The following DPP10 variants were observed in gnomAD, a reference collection of about 807,000 sequenced individuals.
The protein encoded by DPP10 is inactive dipeptidyl peptidase 10.
Under a neutral mutation model 120.9 loss-of-function variants are expected in DPP10, and 33 were observed. That is an observed-to-expected ratio of 0.27 (90% CI 0.21 to 0.37). The LOEUF (loss-of-function observed/expected upper bound fraction) is 0.37, where lower values mean the gene tolerates loss of function less well. Ranked by LOEUF, DPP10 falls within the 10% of genes least tolerant of loss-of-function variation. The probability of loss-of-function intolerance (pLI) is 1.00; values close to 1 mark genes in which losing one functional copy is unlikely to be tolerated. For missense variants in DPP10, 816 were observed against 942.8 expected (o/e 0.87, Z 1.76); for synonymous variants, 337 against 326.1 (o/e 1.03, Z -0.36).
chr2:115,095,436 C>G (rs756891637), intron 1 of DPP10, among the ~76,000 whole-genome samples: 3 of 152,098 alleles, frequency 2.0e-5, no homozygotes, highest in Non-Finnish European at 4.4e-5. Flanking sequence ...GGAGCTCACT[C>G]TACTAACCTG....
Position 115,781,292 on chromosome 2 carries a change from A to G in DPP10, c.1483+297A>G, listed in dbSNP as rs77950025. ...TTTACATCAGCGAGGCCATGCCACA[A>G]TCATAAACTAATTTACCTAGTCTTC... On this transcript the variant is annotated intron_variant, in intron 16 of 25. Transcript: ENST00000410059. Among the ~76,000 whole-genome samples the G allele has an allele frequency of 8.5e-3, 1,286 of 152,002 alleles. 20 individuals carry two copies. The highest frequency in any genetic ancestry group is 0.027 in the African/African-American group (1,138 of 41,540).
At chr2:114,462,059 AT>A in intron 1 of DPP10, 1 of 985,432 alleles carries the variant, frequency 1.0e-6, no homozygotes, top group Non-Finnish European at 1.2e-6. Flanking sequence ...AGAGTGTGAT[AT>A]CAAGAAAGGG....
At chr2:114,475,992 A>G (rs970426204) in intron 1 of DPP10, among the ~76,000 whole-genome samples, 3 of 152,190 alleles carry the variant, frequency 2.0e-5, no homozygotes, top group Non-Finnish European at 4.4e-5. Flanking sequence ...AAACCATCAG[A>G]GGCATTTAGA....
At chr2:114,786,451 G>C (rs949719062) in intron 1 of DPP10, among the ~76,000 whole-genome samples, 1 of 152,156 alleles carries the variant, frequency 6.6e-6, no homozygotes, top group Non-Finnish European at 1.5e-5. Context: ...AGATGGTGAG[G>C]CATTTTGAAA....
intron 1 of DPP10, among the ~76,000 whole-genome samples, chr2:115,138,550 A>G (rs983845301): frequency 2.0e-5 from 3 of 152,210 alleles, no homozygotes; most frequent in African/African-American, 7.2e-5. Context: ...TTTATTCAAC[A>G]TTGTTTTAAA....
chr2:115,324,894 TTA>T (rs2062265728), intron 2 of DPP10, among the ~76,000 whole-genome samples: 2 of 152,092 alleles, frequency 1.3e-5, no homozygotes, highest in Admixed American at 1.3e-4. Context: ...TTCAATATTG[TTA>T]TGTCTTAGGG....
At chr2:114,477,859 A>ATGTATATATGTACATATG (rs1680587929) in intron 1 of DPP10, among the ~76,000 whole-genome samples, 3 of 74,586 alleles carry the variant, frequency 4.0e-5, no homozygotes, top group Non-Finnish European at 3.8e-5. Context: ...GTATAAATAT[A>ATGTATATATGTACATATG]TGTATATATG....
chr2:115,727,771 C>T, intron 7 of DPP10, 45 bp from the exon 8 acceptor site: 1 of 1,552,078 alleles, frequency 6.4e-7, no homozygotes, highest in South Asian at 1.2e-5. Flanking sequence ...CAAAAGGCAT[C>T]CTAACGTGTT....
chr2:115,064,773 G>A lies in DPP10; in HGVS notation c.61-244466G>A, dbSNP rs1288928681. 3.1e-6 allele frequency: 4 copies of A among 1,304,116 alleles called. No individual in the cohort carries two copies. In the African/African-American group the frequency reaches 4.6e-5, roughly 15 times the overall value. 80.8% of individuals were successfully genotyped at this position (1,304,116 alleles called of 1,614,324 possible). ...CCACTTAGCAATGGTCATCACAGAG[G>A]TGGCTGAGGGACCAGTAGATGGTTC... On this transcript the variant is annotated intron_variant, in intron 1 of 25. Transcript: ENST00000410059.
intron 1 of DPP10, among the ~76,000 whole-genome samples, chr2:115,070,581 C>T (rs1573500775): frequency 1.3e-5 from 2 of 152,106 alleles, no homozygotes; most frequent in African/African-American, 4.8e-5. Context: ...TGATCAGACA[C>T]ATTTATTGGC....
intron 1 of DPP10, among the ~76,000 whole-genome samples, chr2:114,539,372 T>G (rs1236770802): frequency 6.6e-6 from 1 of 152,064 alleles, no homozygotes; most frequent in Non-Finnish European, 1.5e-5. Context: ...TGATGGAAGT[T>G]CCTTCCGACT....
At chr2:114,994,397 G>T (rs1700946823) in intron 1 of DPP10, among the ~76,000 whole-genome samples, 1 of 152,180 alleles carries the variant, frequency 6.6e-6, no homozygotes, top group Non-Finnish European at 1.5e-5. Context: ...GTCATCAGGA[G>T]TGAATCTCCA....
intron 1 of DPP10, among the ~76,000 whole-genome samples, chr2:114,754,074 C>T (rs987162142): frequency 6.6e-6 from 1 of 152,064 alleles, no homozygotes; most frequent in South Asian, 2.1e-4. Context: ...TTCTAAAAAT[C>T]GCAGTTCAAA....
chr2:115,501,614 T>G (rs577814313), intron 4 of DPP10, among the ~76,000 whole-genome samples: 23 of 152,206 alleles, frequency 1.5e-4, no homozygotes, highest in Non-Finnish European at 3.2e-4. Context: ...CACAGATAAT[T>G]AAGCAATTTA....
intron 1 of DPP10, among the ~76,000 whole-genome samples, chr2:114,521,045 A>C (rs1685002872): frequency 2.0e-5 from 3 of 152,200 alleles, no homozygotes; most frequent in Non-Finnish European, 4.4e-5. Context: ...AGAAGACCTA[A>C]AACAAGACCC....
intron 1 of DPP10, among the ~76,000 whole-genome samples, chr2:114,836,403 G>A (rs929904354): frequency 6.6e-6 from 1 of 152,088 alleles, no homozygotes; most frequent in African/African-American, 2.4e-5. Flanking sequence ...CTGGGCTTCC[G>A]GGGGAGAAAT....
At chr2:115,481,016 A>C (rs528378211) in intron 3 of DPP10, among the ~76,000 whole-genome samples, 94 of 152,286 alleles carry the variant, frequency 6.2e-4, no homozygotes, top group Non-Finnish European at 1.1e-3. Flanking sequence ...TAGAACAATT[A>C]TATTTCTAGC....
chr2:115,110,625 A>AAATAT (rs758902602), intron 1 of DPP10, among the ~76,000 whole-genome samples: 4 of 152,060 alleles, frequency 2.6e-5, no homozygotes, highest in Non-Finnish European at 5.9e-5. Context: ...TATAGCATTA[A>AAATAT]AATATATATA....
chr2:114,489,829 G>T (rs577116917), intron 1 of DPP10, among the ~76,000 whole-genome samples: 2 of 152,252 alleles, frequency 1.3e-5, no homozygotes, highest in South Asian at 4.1e-4. Context: ...ATAAACCTGG[G>T]TTTGAATATG....
Sources: allele counts gnomAD v4.1 joint callset (sites outside exome capture counted in the v4.1 genomes callset), GRCh38; gene constraint gnomAD v4.1.1; transcripts MANE v1.5; gene names NCBI Gene and HGNC (gene_info 2026-07-23, HGNC 2026-07-21).